Variants in ZAN observed in about 807,000 individuals in gnomAD.
ZAN encodes zonadhesin, also known as zonadhesin (gene/pseudogene).
In ZAN, 260 loss-of-function variants were observed where a neutral mutation model predicts 286.2. The observed-to-expected ratio is 0.91, with a 90% CI of 0.82 to 1.01. The LOEUF (loss-of-function observed/expected upper bound fraction) is 1.01, where lower values mean the gene tolerates loss of function less well. Among genes scored for constraint, ZAN ranks in the 50% least tolerant of loss-of-function variants. The pLI is 0.00. For synonymous variants in ZAN, 1,368 were observed against 1,417.5 expected (o/e 0.97, Z 0.79); for missense variants, 3,410 against 3,639.2 (o/e 0.94, Z 1.62).
intron 31 of ZAN, among the ~76,000 whole-genome samples, chr7:100,774,160 G>A (rs555666117): frequency 6.6e-5 from 10 of 152,310 alleles, no homozygotes; most frequent in Admixed American, 1.3e-4. Flanking sequence ...AGGCCAAGGC[G>A]GGTGGATCAC....
In ZAN at chr7:100,739,769, T is replaced by C. The variant is rs1807612126; in HGVS notation, c.766+1156T>C. On this transcript the variant is annotated intron_variant, in intron 7 of 47. Transcript: ENST00000613979. ...GCTGCCCAGGTTCAATTGATTCTCC[T>C]ACCTCAGCCTCCTAAGTAACTGGGA... 2.1e-5 allele frequency among the ~76,000 whole-genome samples: 3 copies of C among 140,304 alleles called. 1 individual carries two copies. Among genetic ancestry groups the C allele is most frequent in the Non-Finnish European group, 4.8e-5 (3 of 62,482 alleles). The allele number at this position is 140,304 out of a possible 152,430, so 92.0% of individuals were successfully genotyped here.
rs1807165828 is a variant in ZAN, at chr7:100,734,491, C to T, written c.53+270C>T. Among the ~76,000 whole-genome samples the T allele has an allele frequency of 2.2e-5, 3 of 139,524 alleles. 1 individual carries two copies. Among genetic ancestry groups the T allele is most frequent in the South Asian group, 2.2e-4 (1 of 4,550 alleles). The allele number at this position is 139,524 out of a possible 152,430, so 91.5% of individuals were successfully genotyped here. A position where few individuals can be genotyped will look rare whatever the true frequency, so the allele number is the denominator to read the frequency against. On this transcript the variant is annotated intron_variant, in intron 2 of 47. Coordinates refer to ENST00000613979, the MANE Select transcript of ZAN (RefSeq NM_003386.3). ...AAAATTAGCCAGGCGTGGTGGTGTGCACCTGTAGTCCCAGCTACCCAGGAG... is the reference window on the plus strand; with the variant it reads ...AAAATTAGCCAGGCGTGGTGGTGTGTACCTGTAGTCCCAGCTACCCAGGAG...
intron 17 of ZAN, 116 bp downstream of exon 17, chr7:100,758,766 A>G (rs1809341658): frequency 2.1e-6 from 3 of 1,462,052 alleles, no homozygotes; most frequent in African/African-American, 2.8e-5. Context: ...AAGAGGCAAG[A>G]TAGGAGCAAG....
At chr7:100,780,014 G>C (rs1811097344) in intron 35 of ZAN, among the ~76,000 whole-genome samples, 1 of 152,086 alleles carries the variant, frequency 6.6e-6, no homozygotes, top group African/African-American at 2.4e-5. Context: ...GGCCAACATG[G>C]TGAAACCCCA....
chr7:100,776,404 C>T (rs1810788766), intron 33 of ZAN, 36 bp from the exon 34 acceptor site: 2 of 1,586,794 alleles, frequency 1.3e-6, no homozygotes, highest in Non-Finnish European at 1.7e-6. Context: ...TGTTCTCGTG[C>T]TTCCCCAGCA....
At chr7:100,756,332 A>C (rs2115899090) in intron 15 of ZAN, among the ~76,000 whole-genome samples, 1 of 152,046 alleles carries the variant, frequency 6.6e-6, no homozygotes, top group African/African-American at 2.4e-5. Context: ...AGCAGGCCGA[A>C]GTGGAGGGAT....
At chr7:100,747,301 C>T (rs1808296469) in intron 8 of ZAN, among the ~76,000 whole-genome samples, 1 of 152,014 alleles carries the variant, frequency 6.6e-6, no homozygotes, top group Admixed American at 6.6e-5. Flanking sequence ...GCAGGAGAAT[C>T]GCTTGAACCT....
intron 39 of ZAN, among the ~76,000 whole-genome samples, chr7:100,789,966 A>G (rs1811829939): frequency 6.6e-6 from 1 of 151,318 alleles, no homozygotes; most frequent in Non-Finnish European, 1.5e-5. Flanking sequence ...TTTTTTTTTT[A>G]AATGAGACAG....
chr7:100,795,995 G>T (rs541575222), intron 45 of ZAN, among the ~76,000 whole-genome samples: 1 of 151,878 alleles, frequency 6.6e-6, no homozygotes, highest in Non-Finnish European at 1.5e-5. Flanking sequence ...CACGAGACCC[G>T]CTTGAACCCG....
chr7:100,785,542 C>G (rs564284848), intron 36 of ZAN, among the ~76,000 whole-genome samples: 1 of 152,192 alleles, frequency 6.6e-6, no homozygotes, highest in South Asian at 2.1e-4. Context: ...GCACAGTTGT[C>G]TTTTGGATGA....
intron 25 of ZAN, among the ~76,000 whole-genome samples, chr7:100,767,467 G>GTTTTT (rs35803818): frequency 3.8e-5 from 3 of 77,974 alleles, no homozygotes; most frequent in South Asian, 4.5e-4. Context: ...GTTTTTTGCC[G>GTTTTT]TTTTTTTTTT....
intron 33 of ZAN, 104 bp downstream of exon 33, chr7:100,775,937 C>T: frequency 6.9e-7 from 1 of 1,447,786 alleles, no homozygotes; most frequent in Non-Finnish European, 9.4e-7. Flanking sequence ...CCCAAAGAGG[C>T]CACTCCTCAG....
rs867510850 is a variant in ZAN, at chr7:100,748,181, G to A, written c.1068G>A (p.Val356=). The A allele has an allele frequency of 2.5e-6, 4 of 1,613,844 alleles. 1 individual carries two copies. In the South Asian group the frequency reaches 4.4e-5, roughly 18 times the overall value. The change falls in exon 10 of 48, where the codon GTG becomes GTA. Residue 356 remains valine, a synonymous_variant. Transcript: ENST00000613979. ...GVFGKTPEPA[V]AVDATSIAPC... ...TTGGAAAGACCCCAGAGCCAGCTGTGGCAGTTGATGCAACCAGCATTGCTC... is the reference window on the plus strand; with the variant it reads ...TTGGAAAGACCCCAGAGCCAGCTGTAGCAGTTGATGCAACCAGCATTGCTC...
chr7:100,738,377 C>T, intron 6 of ZAN, 84 bp from the exon 7 acceptor site: 1 of 1,265,432 alleles, frequency 7.9e-7, no homozygotes, highest in Non-Finnish European at 1.1e-6. Flanking sequence ...ATGATCACAC[C>T]ACTGTACTCT....
At chr7:100,768,237 C>T (rs971468973) in intron 26 of ZAN, among the ~76,000 whole-genome samples, 2 of 152,110 alleles carry the variant, frequency 1.3e-5, no homozygotes, top group African/African-American at 2.4e-5. Flanking sequence ...TTTGAGAGCC[C>T]GAGGAGGGTG....
intron 45 of ZAN, among the ~76,000 whole-genome samples, chr7:100,796,090 A>C (rs749925943): frequency 8.0e-4 from 122 of 152,006 alleles, no homozygotes; most frequent in Non-Finnish European, 1.4e-3. Context: ...AAAACAAAAA[A>C]CAAAAACCAA....
intron 29 of ZAN, among the ~76,000 whole-genome samples, chr7:100,772,866 T>TG (rs1810473684): frequency 6.6e-6 from 1 of 150,610 alleles, no homozygotes; most frequent in African/African-American, 2.4e-5. Context: ...TCTGTTTTTT[T>TG]TTTGTTTGTT....
In ZAN at chr7:100,753,044, C is replaced by T. The variant is rs372737666; in HGVS notation, c.2939C>T (p.Thr980Met). Reference protein sequence around the residue: ...TIPTEKLTIPTEKPTIPTEKP... With the variant: ...TIPTEKLTIPMEKPTIPTEKP... ...CCCACGGAAAAACTTACCATCCCCA[C>T]GGAAAAACCCACCATCCCCACAGAA... The change falls in exon 14 of 48, where the codon ACG (threonine) becomes ATG (methionine). Residue 980 changes from threonine to methionine, a missense_variant. Thr to Met is a moderately conservative substitution (Grantham distance 81). Transcript: ENST00000613979. The T allele has an allele frequency of 1.9e-5, 31 of 1,612,110 alleles. No individual in the cohort carries two copies. Among genetic ancestry groups the T allele is most frequent in the South Asian group, 6.6e-5 (6 of 90,886 alleles).
In ZAN at chr7:100,755,374, T is replaced by C. The variant is rs758391349; in HGVS notation, c.3273T>C (p.Ser1091=). ...GTGACAACCACTGCATCCAGGCCTC[T>C]TCCTGCAATTGCTTCTACAACAACG... ...LFSDNHCIQA[S]SCNCFYNNDY... is the part of the protein sequence containing the mutation. The change falls in exon 15 of 48, where the codon TCT becomes TCC. Residue 1091 remains serine (S), a synonymous_variant. Transcript: ENST00000613979. 1.2e-6 allele frequency: 2 copies of C among 1,613,396 alleles called. No homozygotes were observed. The highest frequency in any genetic ancestry group is 1.7e-5 in the Admixed American group (1 of 59,914).
Sources: gnomAD v4.1 joint callset for allele counts (sites outside exome capture counted in the v4.1 genomes callset) on GRCh38, gnomAD v4.1.1 for gene constraint, MANE v1.5 for transcripts, NCBI Gene and HGNC (gene_info 2026-07-23, HGNC 2026-07-21) for gene names.